ERICH1: variants seen among roughly 807,000 people sequenced by gnomAD.
ERICH1 encodes glutamate rich 1.
Under a neutral mutation model 39.6 loss-of-function variants are expected in ERICH1, and 56 were observed. The observed-to-expected ratio is 1.41, with a 90% confidence interval of 1.14 to 1.77. The LOEUF (loss-of-function observed/expected upper bound fraction) is 1.77, where lower values mean the gene tolerates loss of function less well. Ranked by LOEUF, ERICH1 falls within the 40% of genes most tolerant of loss-of-function variation. The probability of loss-of-function intolerance (pLI) is 0.00; values close to 1 mark genes in which losing one functional copy is unlikely to be tolerated. For synonymous variants in ERICH1, 313 were observed against 223.6 expected, an observed-to-expected ratio of 1.40 and a Z score of -3.57; for missense variants, 826 against 575.4, an observed-to-expected ratio of 1.44 and a Z score of -4.45.
intron 3 of ERICH1, among the ~76,000 whole-genome samples, chr8:640,188 A>C (rs1364382870): frequency 6.6e-6 from 1 of 152,198 alleles, no homozygotes; most frequent in African/African-American, 2.4e-5. Flanking sequence ...CCGCCTAATC[A>C]AAGGACCCCT....
At position 731,027 on chromosome 8, in the gene ERICH1, G is replaced by C. The variant is rs1819868646; in HGVS notation, c.22+113C>G. 4 of 1,260,490 alleles carry C rather than the reference G, an allele frequency of 3.2e-6. No individual in the cohort carries two copies. In the East Asian group the frequency reaches 9.5e-5, roughly 30 times the overall value. 78.1% of individuals were successfully genotyped at this position (1,260,490 alleles called of 1,614,324 possible). ...GGGTGGAGGTGGGGAGTCGGTCTGG[G>C]TTTGGGGTGGGGCCTGGAAAGGGGC... On this transcript the variant is annotated intron_variant, in intron 1 of 5. Transcript: ENST00000262109.
intron 3 of ERICH1, among the ~76,000 whole-genome samples, chr8:683,203 G>A (rs1326251683): frequency 6.6e-6 from 1 of 152,246 alleles, no homozygotes; most frequent in African/African-American, 2.4e-5. Flanking sequence ...AGCGGTGGCT[G>A]TGGCTGGCGT....
chr8:630,375 T>C (rs56246112), intron 3 of ERICH1, among the ~76,000 whole-genome samples: 58 of 106,238 alleles, frequency 5.5e-4, no homozygotes, highest in South Asian at 2.5e-3. Flanking sequence ...CACACCCTCC[T>C]GTGACCACCC....
downstream of ERICH1, among the ~76,000 whole-genome samples, chr8:660,115 A>T (rs1801195631): frequency 6.6e-6 from 1 of 151,670 alleles, no homozygotes; most frequent in South Asian, 2.1e-4. Context: ...GCCTTCCCCG[A>T]CTCTCCCCCT....
intron 3 of ERICH1, among the ~76,000 whole-genome samples, chr8:629,598 A>G (rs952582617): frequency 1.8e-5 from 2 of 112,626 alleles, no homozygotes; most frequent in Non-Finnish European, 3.7e-5. Flanking sequence ...CCACAGAGAC[A>G]GAGCTGACTC....
intron 2 of ERICH1, among the ~76,000 whole-genome samples, chr8:697,862 G>C (rs1810712054): frequency 6.6e-6 from 1 of 152,240 alleles, no homozygotes; most frequent in South Asian, 2.1e-4. Flanking sequence ...ACCTGGGCTT[G>C]AGCCCCTGGG....
intron 2 of ERICH1, among the ~76,000 whole-genome samples, chr8:700,304 C>A (rs1811684435): frequency 8.9e-6 from 1 of 112,938 alleles, no homozygotes; most frequent in Non-Finnish European, 2.0e-5. Flanking sequence ...CGGACACGCG[C>A]ACAGACCCGC....
intron 3 of ERICH1, chr8:616,544 A>T (rs1264425069): frequency 2.2e-6 from 1 of 456,084 alleles, no homozygotes; most frequent in Admixed American, 2.4e-5. Context: ...CAACACGCAC[A>T]TCTGGGAACT....
At position 653,519 on chromosome 8, in the gene ERICH1, T is replaced by C. The variant is rs554177535; in HGVS notation, c.976+15079A>G. Among the ~76,000 whole-genome samples, 636 of 145,710 alleles carry C rather than the reference T, an allele frequency of 4.4e-3. 8 individuals are homozygous for C. The highest frequency in any genetic ancestry group is 0.017 in the African/African-American group (590 of 35,464). The stretch of plus-strand genomic sequence containing the variant: ...GCCGAGTTTTATATATCACTTCCCC[T>C]TTTTTTTGTCTATATATTTGTTCTG... On this transcript the variant is annotated intron_variant, in intron 3 of 3. Transcript: ENST00000522706.
chr8:661,636 A>G (rs1801437154), downstream of ERICH1, among the ~76,000 whole-genome samples: 1 of 152,246 alleles, frequency 6.6e-6, no homozygotes, highest in Non-Finnish European at 1.5e-5. Context: ...CTTCAAACAC[A>G]GTGGAATAAA....
chr8:727,882 G>A (rs1456453475), intron 1 of ERICH1, among the ~76,000 whole-genome samples: 1 of 152,188 alleles, frequency 6.6e-6, no homozygotes, highest in Non-Finnish European at 1.5e-5. Flanking sequence ...CGAATGCAGG[G>A]GGCACTGTGG....
intron 1 of ERICH1, among the ~76,000 whole-genome samples, chr8:726,309 C>G (rs551164659): frequency 1.3e-5 from 2 of 152,082 alleles, no homozygotes; most frequent in Non-Finnish European, 2.9e-5. Flanking sequence ...TACAAACACG[C>G]CACACGCAGA....
intron 3 of ERICH1, among the ~76,000 whole-genome samples, chr8:617,729 A>G (rs1385591032): frequency 6.8e-6 from 1 of 147,640 alleles, no homozygotes; most frequent in Admixed American, 6.7e-5. Flanking sequence ...TTACTGCCCT[A>G]TGAGTGCTCA....
At position 716,152 on chromosome 8, in the gene ERICH1, G is replaced by C. The variant is rs1271593751; in HGVS notation, c.23-145C>G. ...CCAAGTCCCTGGTCCTCCCACGCTG[G>C]GCACTGCACACCAGGATCCCCCAGA... On this transcript the variant is annotated intron_variant, in intron 1 of 5. Transcript: ENST00000262109. 6 of 1,003,794 alleles carry C rather than the reference G, an allele frequency of 6.0e-6. No homozygotes were observed. The African/African-American group carries it at 9.9e-5, about 17-fold the overall frequency. 62.2% of individuals were successfully genotyped at this position (1,003,794 alleles called of 1,614,324 possible). A position where few individuals can be genotyped will look rare whatever the true frequency, so the allele number is the denominator to read the frequency against.
At chr8:672,525 C>A (rs962885887) in intron 4 of ERICH1, among the ~76,000 whole-genome samples, 1 of 152,114 alleles carries the variant, frequency 6.6e-6, no homozygotes, top group African/African-American at 2.4e-5. Flanking sequence ...TCTGCTAAAC[C>A]CACCACATTA....
At chr8:649,523 C>G (rs1179260472) in intron 3 of ERICH1, among the ~76,000 whole-genome samples, 1 of 152,030 alleles carries the variant, frequency 6.6e-6, no homozygotes, top group Non-Finnish European at 1.5e-5. Context: ...GCCCCTGGGC[C>G]CCGGGGGGAA....
At chr8:621,771 T>A (rs79418527) in intron 3 of ERICH1, among the ~76,000 whole-genome samples, 3,452 of 152,248 alleles carry the variant, frequency 0.023, 116 homozygotes, top group African/African-American at 0.078. Flanking sequence ...TATAAAATAA[T>A]GACCTTATAA....
intron 2 of ERICH1, among the ~76,000 whole-genome samples, chr8:693,390 T>G (rs1230009983): frequency 2.6e-5 from 4 of 152,276 alleles, no homozygotes; most frequent in Non-Finnish European, 5.9e-5. Flanking sequence ...TATTGTAACT[T>G]AAATCTGCAT....
chr8:727,735 C>T (rs370832400), intron 1 of ERICH1, among the ~76,000 whole-genome samples: 5 of 152,154 alleles, frequency 3.3e-5, no homozygotes, highest in South Asian at 2.1e-4. Flanking sequence ...AAGGCCCAGC[C>T]GGGCCAGCAA....
Sources: allele counts gnomAD v4.1 joint callset (sites outside exome capture counted in the v4.1 genomes callset), GRCh38; gene constraint gnomAD v4.1.1; transcripts MANE v1.5; gene names NCBI Gene and HGNC (gene_info 2026-07-23, HGNC 2026-07-21).